NYAP2: variants seen among roughly 807,000 people sequenced by gnomAD.
NYAP2 encodes neuronal tyrosine-phosphorylated phosphoinositide-3-kinase adapter 2.
NYAP2 carries 23 observed loss-of-function variants against 50.4 expected under a neutral mutation model. The ratio of observed to expected loss-of-function variants is 0.46; its 90% CI spans 0.33 to 0.65. NYAP2 has a LOEUF of 0.65. NYAP2 is among the 30% of genes least tolerant of loss of function. NYAP2 has a pLI of 0.02. For synonymous variants in NYAP2, 394 were observed against 365.2 expected, an observed-to-expected ratio of 1.08 and a Z score of -0.90; for missense variants, 885 against 861.0, an observed-to-expected ratio of 1.03 and a Z score of -0.35.
intron 3 of NYAP2, among the ~76,000 whole-genome samples, chr2:225,409,763 T>C (rs1015632943): frequency 3.3e-5 from 5 of 152,094 alleles, no homozygotes; most frequent in Admixed American, 6.6e-5. Flanking sequence ...GAAGAATGCA[T>C]ATCTTTTGAT....
chr2:225,591,545 A>G (rs1322565704), intron 5 of NYAP2, among the ~76,000 whole-genome samples: 1 of 152,140 alleles, frequency 6.6e-6, no homozygotes, highest in Non-Finnish European at 1.5e-5. Flanking sequence ...CTTAACCTTC[A>G]TGCCATTTAC....
chr2:225,453,533 G>T (rs1689686363), intron 3 of NYAP2, among the ~76,000 whole-genome samples: 1 of 152,238 alleles, frequency 6.6e-6, no homozygotes, highest in East Asian at 1.9e-4. Flanking sequence ...AAGCTTTAGA[G>T]ATTTTTTTGC....
the NYAP2 span, among the ~76,000 whole-genome samples, chr2:225,672,619 G>A: frequency 6.6e-6 from 1 of 152,054 alleles, no homozygotes; most frequent in Non-Finnish European, 1.5e-5. Flanking sequence ...AACAAGAAAC[G>A]TGGCATTTGG....
At chr2:225,611,859 T>TAG (rs928113811) in intron 5 of NYAP2, among the ~76,000 whole-genome samples, 7 of 147,290 alleles carry the variant, frequency 4.8e-5, no homozygotes, top group African/African-American at 1.6e-4. Flanking sequence ...AGTATATATA[T>TAG]AGAGAGAGAT....
intron 3 of NYAP2, among the ~76,000 whole-genome samples, chr2:225,410,815 G>A (rs1217810674): frequency 6.6e-6 from 1 of 151,964 alleles, no homozygotes; most frequent in Non-Finnish European, 1.5e-5. Flanking sequence ...GTTCAAAAAG[G>A]GGCATAACCT....
intron 3 of NYAP2, among the ~76,000 whole-genome samples, chr2:225,437,957 T>A (rs1224180638): frequency 6.6e-6 from 1 of 152,196 alleles, no homozygotes; most frequent in Non-Finnish European, 1.5e-5. Context: ...TTACTCTGCC[T>A]AACAATGATC....
chr2:225,509,052 A>G (rs1232374049), intron 3 of NYAP2, among the ~76,000 whole-genome samples: 1 of 152,082 alleles, frequency 6.6e-6, no homozygotes, highest in African/African-American at 2.4e-5. Flanking sequence ...AGCCCTCATC[A>G]CCGCAGTTTG....
intron 2 of NYAP2, among the ~76,000 whole-genome samples, chr2:225,407,815 T>C (rs1039215633): frequency 1.3e-5 from 2 of 151,940 alleles, no homozygotes; most frequent in Admixed American, 6.6e-5. Context: ...TATACCACAA[T>C]TAATATGCAA....
At position 225,534,838 on chromosome 2, in the gene NYAP2, A is replaced by C. The variant is rs952571110; in HGVS notation, c.523+21166A>C. ...ATACAAGGAGCAGCCACTAACTCCC[A>C]GGGCTGAGTCAGAGTAGCCTCTGGC... On this transcript the variant is annotated intron_variant, in intron 4 of 6. Transcript: ENST00000636099. 2.0e-5 allele frequency among the ~76,000 whole-genome samples: 3 copies of C among 152,356 alleles called. No individual in the cohort carries two copies. The East Asian group carries it at 5.8e-4, about 29-fold the overall frequency.
intron 4 of NYAP2, among the ~76,000 whole-genome samples, chr2:225,519,426 C>T (rs1691006145): frequency 8.6e-6 from 1 of 116,722 alleles, no homozygotes; most frequent in Admixed American, 1.0e-4. Context: ...TCCCCCTCCC[C>T]CCACCCCACA....
At chr2:225,449,191 G>A (rs991544761) in intron 3 of NYAP2, among the ~76,000 whole-genome samples, 1 of 152,202 alleles carries the variant, frequency 6.6e-6, no homozygotes, top group Admixed American at 6.5e-5. Flanking sequence ...AAGCTTCGCA[G>A]CATAATATTA....
exon 7 of NYAP2, chr2:225,653,522 G>T (rs541977706): frequency 1.3e-5 from 2 of 152,216 alleles, no homozygotes; most frequent in East Asian, 3.9e-4. Context: ...TTCCTTACCT[G>T]CTGATAGAGA....
At chr2:225,442,142 T>C (rs1046211741) in intron 3 of NYAP2, among the ~76,000 whole-genome samples, 1 of 152,224 alleles carries the variant, frequency 6.6e-6, no homozygotes, top group African/African-American at 2.4e-5. Context: ...TCAGCAGGTC[T>C]TGACTTCAGA....
intron 3 of NYAP2, among the ~76,000 whole-genome samples, chr2:225,437,789 A>G (rs1469251426): frequency 1.3e-5 from 2 of 152,224 alleles, no homozygotes; most frequent in Non-Finnish European, 2.9e-5. Context: ...ATGAAACAGC[A>G]GGTAAGTTTC....
chr2:225,438,722 A>C (rs1434819901), intron 3 of NYAP2, among the ~76,000 whole-genome samples: 1 of 152,194 alleles, frequency 6.6e-6, no homozygotes, highest in Non-Finnish European at 1.5e-5. Context: ...AGATTTAGTT[A>C]ACACTGACCT....
At chr2:225,623,869 A>G (rs1474706743) in intron 5 of NYAP2, among the ~76,000 whole-genome samples, 2 of 152,246 alleles carry the variant, frequency 1.3e-5, no homozygotes, top group Non-Finnish European at 2.9e-5. Flanking sequence ...CTGCTATACC[A>G]CGTATTAAAA....
chr2:225,550,667 A>G (rs1027375519), intron 4 of NYAP2, among the ~76,000 whole-genome samples: 1 of 152,224 alleles, frequency 6.6e-6, no homozygotes. Context: ...GGAGGAATGA[A>G]ACCATGTTAG....
intron 4 of NYAP2, among the ~76,000 whole-genome samples, chr2:225,548,960 C>A (rs1691628562): frequency 6.6e-6 from 1 of 151,640 alleles, no homozygotes; most frequent in Admixed American, 6.6e-5. Flanking sequence ...CAGCTCACTG[C>A]AACCTCTACC....
chr2:225,584,282 C>T (rs1399367821), intron 5 of NYAP2, among the ~76,000 whole-genome samples: 1 of 152,104 alleles, frequency 6.6e-6, no homozygotes, highest in Non-Finnish European at 1.5e-5. Context: ...TTCCTAGATC[C>T]ATCAATATAT....
Sources: allele counts gnomAD v4.1 joint callset (sites outside exome capture counted in the v4.1 genomes callset), GRCh38; gene constraint gnomAD v4.1.1; transcripts MANE v1.5; gene names NCBI Gene and HGNC (gene_info 2026-07-23, HGNC 2026-07-21).